The following CDH13 variants were observed in gnomAD, a reference collection of about 807,000 sequenced individuals.
CDH13 encodes the protein cadherin-13.
CDH13 carries 24 observed loss-of-function variants against 63.8 expected under a neutral mutation model. The ratio of observed to expected loss-of-function variants is 0.38; its 90% CI spans 0.27 to 0.53. CDH13 has a LOEUF of 0.53. Among genes scored for constraint, CDH13 ranks in the 20% least tolerant of loss-of-function variants. The pLI is 0.85. For synonymous variants in CDH13, 503 were observed against 355.3 expected, an observed-to-expected ratio of 1.42 and a Z score of -4.67; for missense variants, 1,049 against 903.1, an observed-to-expected ratio of 1.16 and a Z score of -2.07.
chr16:83,036,510 G>A (rs1597194351), intron 3 of CDH13, among the ~76,000 whole-genome samples: 1 of 152,174 alleles, frequency 6.6e-6, no homozygotes, highest in East Asian at 1.9e-4. Context: ...GAGTAAACCT[G>A]CACAATGTTC....
chr16:82,927,019 C>A (rs1222439774), intron 2 of CDH13, among the ~76,000 whole-genome samples: 1 of 125,650 alleles, frequency 8.0e-6, no homozygotes, highest in African/African-American at 2.8e-5. Context: ...AGCTTGAAGG[C>A]TGGGGTAACT....
intron 6 of CDH13, among the ~76,000 whole-genome samples, chr16:83,409,934 G>A (rs2092102328): frequency 6.6e-6 from 1 of 152,222 alleles, no homozygotes; most frequent in South Asian, 2.1e-4. Flanking sequence ...ATTACAAGCT[G>A]AGAAATGTTT....
intron 4 of CDH13, among the ~76,000 whole-genome samples, chr16:83,157,576 A>C (rs2037258391): frequency 2.0e-5 from 3 of 152,156 alleles, no homozygotes; most frequent in African/African-American, 7.2e-5. Flanking sequence ...CCTAGCAGGA[A>C]AATACCACAT....
intron 7 of CDH13, among the ~76,000 whole-genome samples, chr16:83,490,091 G>A (rs1347858667): frequency 6.6e-6 from 1 of 151,556 alleles, no homozygotes; most frequent in African/African-American, 2.4e-5. Flanking sequence ...GAGGGACAAA[G>A]CAAACGTGTG....
intron 10 of CDH13, among the ~76,000 whole-genome samples, chr16:83,685,526 T>C (rs1213210193): frequency 1.3e-5 from 2 of 152,228 alleles, no homozygotes; most frequent in African/African-American, 4.8e-5. Context: ...GGCCTGACGC[T>C]GTGCTAGGTG....
At chr16:82,768,917 G>A (rs574835309) in intron 1 of CDH13, among the ~76,000 whole-genome samples, 73 of 152,146 alleles carry the variant, frequency 4.8e-4, no homozygotes, top group Non-Finnish European at 1.9e-4. Flanking sequence ...GAGTTAGTTA[G>A]CAGGTCTCTT....
At chr16:83,671,050 G>A in intron 9 of CDH13, 78 bp downstream of exon 9, 1 of 1,247,268 alleles carries the variant, frequency 8.0e-7, no homozygotes, top group Non-Finnish European at 1.1e-6. Context: ...GAATCATTGA[G>A]TTTAGAAGGC....
At chr16:83,070,030 C>CT (rs2093167025) in intron 3 of CDH13, among the ~76,000 whole-genome samples, 1 of 151,930 alleles carries the variant, frequency 6.6e-6, no homozygotes, top group Non-Finnish European at 1.5e-5. Flanking sequence ...GACAACTTCC[C>CT]TTTTTTTCAA....
intron 4 of CDH13, among the ~76,000 whole-genome samples, chr16:83,212,636 G>A (rs1324761543): frequency 6.6e-6 from 1 of 152,190 alleles, no homozygotes; most frequent in African/African-American, 2.4e-5. Context: ...TTTTAGCAGA[G>A]GGCTCCAAAC....
In CDH13 at chr16:82,998,175, C is replaced by G. The variant is rs1051483386; in HGVS notation, c.158-33835C>G. ...CTGGAACTTTTTATATTTCGTCATA[C>G]AGACCTTCCTAAGATCCTCACTTTG... On this transcript the variant is annotated intron_variant, in intron 2 of 13. Transcript: ENST00000567109. 3.0e-4 allele frequency among the ~76,000 whole-genome samples: 45 copies of G among 152,306 alleles called. 1 individual carries two copies. Among genetic ancestry groups the G allele is most frequent in the Non-Finnish European group, 4.4e-5 (3 of 68,012 alleles).
Position 83,783,329 on chromosome 16 carries a change from C to G in CDH13, c.1991C>G (p.Ser664Ter), listed in dbSNP as rs767974207. Reference protein sequence around the residue: ...NYNLPIMVTDSGKPPMTNITD... With the variant: ...NYNLPIMVTD ...AACCTGCCCATCATGGTGACAGATT[C>G]AGGGAAACCACCCATGACGAATATC... is the stretch of plus-strand genomic sequence containing the variant. Residue 664 changes from serine (S) to a stop codon, truncating the protein, a stop_gained, in exon 13 of 14, where the codon TCA becomes TGA. Transcript: ENST00000567109. LOFTEE classifies it high-confidence loss of function. The G allele has an allele frequency of 3.1e-6, 5 of 1,613,962 alleles. No homozygotes were observed. The highest frequency in any genetic ancestry group is 4.2e-6 in the Non-Finnish European group (5 of 1,179,852).
chr16:82,838,077 C>G lies in CDH13; in HGVS notation c.46-20285C>G, dbSNP rs528924486. Among the ~76,000 whole-genome samples the G allele has an allele frequency of 2.4e-4, 37 of 152,342 alleles. 2 individuals carry two copies. Among genetic ancestry groups the G allele is most frequent in the African/African-American group, 8.2e-4 (34 of 41,584 alleles). The stretch of plus-strand genomic sequence containing the variant: ...CATTCCTCCCATCACCCCGCAGATC[C>G]TGGCCCCAAAGCCTTACCTTGGTGC... On this transcript the variant is annotated intron_variant, in intron 1 of 13. Coordinates refer to ENST00000567109, the MANE Select transcript of CDH13 (RefSeq NM_001257.5).
chr16:83,399,550 G>T (rs1449779651), intron 6 of CDH13, among the ~76,000 whole-genome samples: 1 of 152,126 alleles, frequency 6.6e-6, no homozygotes, highest in Non-Finnish European at 1.5e-5. Context: ...CTTTCATTGA[G>T]ATATGGGGAC....
intron 5 of CDH13, among the ~76,000 whole-genome samples, chr16:83,250,991 G>A (rs746136722): frequency 8.7e-5 from 13 of 150,068 alleles, no homozygotes; most frequent in Non-Finnish European, 1.5e-4. Context: ...ATGCTCGGTG[G>A]TTCGGTAAAG....
chr16:82,973,933 T>G (rs1909135241), intron 2 of CDH13, among the ~76,000 whole-genome samples: 1 of 151,974 alleles, frequency 6.6e-6, no homozygotes, highest in South Asian at 2.1e-4. Flanking sequence ...TGGTTTTTGG[T>G]TTTTTTTGAA....
intron 6 of CDH13, among the ~76,000 whole-genome samples, chr16:83,372,399 T>A (rs1464201450): frequency 6.6e-6 from 1 of 152,092 alleles, no homozygotes; most frequent in Non-Finnish European, 1.5e-5. Context: ...TCCCCATTCT[T>A]CCCCAAATTC....
chr16:83,128,849 A>C (rs2035924466), intron 4 of CDH13, among the ~76,000 whole-genome samples: 1 of 152,178 alleles, frequency 6.6e-6, no homozygotes, highest in Non-Finnish European at 1.5e-5. Flanking sequence ...TGTTGCCCAT[A>C]CTTGTTCTCA....
chr16:83,785,833 G>A (rs1296737204), intron 13 of CDH13, among the ~76,000 whole-genome samples: 1 of 152,102 alleles, frequency 6.6e-6, no homozygotes, highest in Non-Finnish European at 1.5e-5. Flanking sequence ...CTCACCAGGT[G>A]GTCCGAAGAC....
chr16:83,608,752 C>CCCA (rs1001197680), intron 8 of CDH13, among the ~76,000 whole-genome samples: 1 of 151,536 alleles, frequency 6.6e-6, no homozygotes, highest in African/African-American at 2.4e-5. Context: ...AAGCAATCCA[C>CCCA]CCACCTAAGC....
Sources: gnomAD v4.1 joint callset for allele counts (sites outside exome capture counted in the v4.1 genomes callset) on GRCh38, gnomAD v4.1.1 for gene constraint, MANE v1.5 for transcripts, NCBI Gene and HGNC (gene_info 2026-07-23, HGNC 2026-07-21) for gene names.